Variants in RIOK3 observed in about 807,000 individuals in gnomAD.
The protein encoded by RIOK3 is serine/threonine-protein kinase RIO3.
Under a neutral mutation model 63.5 loss-of-function variants are expected in RIOK3, and 40 were observed. The observed-to-expected ratio is 0.63, with a 90% CI of 0.49 to 0.82. The LOEUF (loss-of-function observed/expected upper bound fraction) is 0.82. Among genes scored for constraint, RIOK3 ranks in the 40% least tolerant of loss-of-function variants. RIOK3 has a pLI of 0.00. For missense variants in RIOK3, 557 were observed against 637.0 expected, an observed-to-expected ratio of 0.87 and a Z score of 1.35; for synonymous variants, 193 against 205.0, an observed-to-expected ratio of 0.94 and a Z score of 0.50.
At chr18:23,476,809 G>C (rs752391934) in intron 9 of RIOK3, among the ~76,000 whole-genome samples, 197 bp from the exon 10 acceptor site, 1 of 152,182 alleles carries the variant, frequency 6.6e-6, no homozygotes, top group Non-Finnish European at 1.5e-5. Flanking sequence ...CTACTTGGGA[G>C]GCTGAGGCAG....
intron 1 of RIOK3, among the ~76,000 whole-genome samples, chr18:23,457,979 C>G (rs1003922722): frequency 2.0e-5 from 3 of 151,656 alleles, no homozygotes; most frequent in African/African-American, 7.3e-5. Context: ...ACTGCAACCT[C>G]CACCCCTGGG....
At chr18:23,469,617 A>G (rs1033145079) in intron 7 of RIOK3, among the ~76,000 whole-genome samples, 1 of 150,844 alleles carries the variant, frequency 6.6e-6, no homozygotes, top group African/African-American at 2.4e-5. Flanking sequence ...CCTCCCCGGT[A>G]GCGGGGATTA....
rs756485853 is a variant in RIOK3, at chr18:23,473,590, G to A, written c.977G>A (p.Arg326His). ...AAACTAAATCCACGTAAGATCATCC[G>A]CATGTGGGCAGAAAAAGAAATGCAC... ...FSKLNPRKII[R>H]MWAEKEMHNL... Residue 326 changes from arginine to histidine, a missense_variant, in exon 8 of 13, where the codon CGC becomes CAC. Coordinates refer to ENST00000339486, the MANE Select transcript of RIOK3 (RefSeq NM_003831.5). 89 of 1,613,204 alleles carry A rather than the reference G, an allele frequency of 5.5e-5. No homozygotes were observed. The highest frequency in any genetic ancestry group is 4.0e-4 in the East Asian group (18 of 44,814).
intron 1 of RIOK3, among the ~76,000 whole-genome samples, chr18:23,456,856 C>G (rs1423603121): frequency 6.6e-6 from 1 of 152,118 alleles, no homozygotes; most frequent in African/African-American, 2.4e-5. Flanking sequence ...ATCCTCACAG[C>G]TAAGTAGATT....
intron 8 of RIOK3, 136 bp from the exon 9 acceptor site, chr18:23,474,812 T>A (rs2057478416): frequency 4.7e-6 from 3 of 635,226 alleles, no homozygotes; most frequent in Non-Finnish European, 8.2e-6. Flanking sequence ...TGTGTTTTAC[T>A]GTCTTTGTAT....
chr18:23,473,483 G>A lies in RIOK3; in HGVS notation c.870G>A (p.Lys290=), dbSNP rs1186926522. ...SKVIPTECAI[K]VFKTTLNEFK... is the part of the protein sequence containing the mutation. The stretch of plus-strand genomic sequence containing the variant: ...TTATACCTACAGAATGTGCCATCAA[G>A]GTATTTAAAACAACCCTTAATGAAT... Residue 290 remains lysine (K), a synonymous_variant, in exon 8 of 13, where the codon AAG becomes AAA. Transcript: ENST00000339486. The A allele has an allele frequency of 6.2e-7, 1 of 1,612,268 alleles. No homozygotes were observed. The highest frequency in any genetic ancestry group is 1.3e-5 in the African/African-American group (1 of 74,830).
intron 1 of RIOK3, among the ~76,000 whole-genome samples, chr18:23,458,982 A>G (rs916635918): frequency 3.9e-5 from 6 of 152,188 alleles, no homozygotes; most frequent in Non-Finnish European, 1.5e-5. Flanking sequence ...TGTGAAGTGG[A>G]CCAGTTGAGC....
At position 23,455,424 on chromosome 18, in the gene RIOK3, G is replaced by A. The variant is rs1185386421; in HGVS notation, c.63+1922G>A. ...TTTTTTTTTTTTGAGACGGAGTCTCGCTTTGTTGCCCAGGCTGTAGTGCAG... is the reference window on the plus strand; with the variant it reads ...TTTTTTTTTTTTGAGACGGAGTCTCACTTTGTTGCCCAGGCTGTAGTGCAG... On this transcript the variant is annotated intron_variant, in intron 1 of 12. Transcript: ENST00000339486. Among the ~76,000 whole-genome samples, 3 of 139,746 alleles carry A rather than the reference G, an allele frequency of 2.1e-5. No homozygotes were observed. In the South Asian group the frequency reaches 6.7e-4, roughly 31 times the overall value. The allele number at this position is 139,746 out of a possible 152,430, so 91.7% of individuals were successfully genotyped here.
In RIOK3 at chr18:23,473,472, T is replaced by C. The variant is rs756080387; in HGVS notation, c.859T>C (p.Cys287Arg). 6.2e-7 allele frequency: 1 copy of C among 1,612,110 alleles called. No individual in the cohort carries two copies. Among genetic ancestry groups the C allele is most frequent in the Non-Finnish European group, 8.5e-7 (1 of 1,178,904 alleles). The part of the protein sequence containing the change: ...KEDSKVIPTE[C>R]AIKVFKTTLN... ...AGATAGTAAAGTTATACCTACAGAA[T>C]GTGCCATCAAGGTATTTAAAACAAC... Residue 287 changes from cysteine to arginine, a missense_variant, in exon 8 of 13, where the codon TGT becomes CGT. By Grantham distance (180) the Cys-to-Arg change is radical (BLOSUM62 -3). This residue lies in a region of RIOK3 where 309 missense variants were observed against 338.7 expected (regional missense o/e 0.91). Coordinates refer to ENST00000339486, the MANE Select transcript of RIOK3 (RefSeq NM_003831.5).
intron 9 of RIOK3, 93 bp from the exon 10 acceptor site, chr18:23,476,913 A>AAAAAAAT (rs2057494784): frequency 1.9e-6 from 2 of 1,075,014 alleles, no homozygotes; most frequent in South Asian, 2.8e-5. Flanking sequence ...CTCTGTCTCC[A>AAAAAAAT]AAAAAATAAA....
chr18:23,464,018 C>T lies in RIOK3; in HGVS notation c.231C>T (p.Asp77=). Reference sequence around the variant, plus strand: ...GAGAAAACATTGATACTTCCAGTGACCTTATGCTGGCTCAGATGCTACAGA... The same window carrying T: ...GAGAAAACATTGATACTTCCAGTGATCTTATGCTGGCTCAGATGCTACAGA... ...ITGENIDTSS[D]LMLAQMLQME... Residue 77 remains aspartate, a synonymous_variant, in exon 3 of 13, where the codon GAC becomes GAT. Transcript: ENST00000339486. The T allele has an allele frequency of 3.1e-6, 5 of 1,613,028 alleles. No homozygotes were observed. Among genetic ancestry groups the T allele is most frequent in the Non-Finnish European group, 4.2e-6 (5 of 1,179,332 alleles).
intron 1 of RIOK3, among the ~76,000 whole-genome samples, chr18:23,460,218 G>A (rs1322767755): frequency 6.6e-6 from 1 of 152,230 alleles, no homozygotes; most frequent in Non-Finnish European, 1.5e-5. Flanking sequence ...CTCCTGAGTA[G>A]CTGGGACTGC....
intron 1 of RIOK3, among the ~76,000 whole-genome samples, chr18:23,462,613 G>C (rs2057379433): frequency 6.6e-6 from 1 of 152,256 alleles, no homozygotes; most frequent in African/African-American, 2.4e-5. Context: ...TGGGAAATCA[G>C]ATTATAAGCA....
chr18:23,462,982 C>T lies in RIOK3; in HGVS notation c.82C>T (p.Gln28Ter). 6.3e-7 allele frequency: 1 copy of T among 1,583,060 alleles called. No individual in the cohort carries two copies. Among genetic ancestry groups the T allele is most frequent in the Non-Finnish European group, 8.6e-7 (1 of 1,164,960 alleles). ...TTCATAGTGTCCATGGGCTATTCCTCAAAATACAATATCTTGTTCTTTGGC... is the reference window on the plus strand; with the variant it reads ...TTCATAGTGTCCATGGGCTATTCCTTAAAATACAATATCTTGTTCTTTGGC... ...GPSKCPWAIP[Q>*]NTISCSLADV... The change falls in exon 2 of 13, where the codon CAA becomes TAA. Residue 28 changes from glutamine (Q) to a stop codon, truncating the protein, a stop_gained. Coordinates refer to ENST00000339486, the MANE Select transcript of RIOK3 (RefSeq NM_003831.5). LOFTEE classifies it high-confidence loss of function.
rs1298613484 is a variant in RIOK3 at position 23,482,270 on chromosome 18, G to A, written c.*991G>A. On this transcript the variant is annotated 3_prime_UTR_variant, in exon 13 of 13. Transcript: ENST00000339486. Reference sequence around the variant, plus strand: ...CAAACCTGTAATCCCAGCACTTTGGGAGACCAAGGCGGGTGGATCACTTGA... The same window carrying A: ...CAAACCTGTAATCCCAGCACTTTGGAAGACCAAGGCGGGTGGATCACTTGA... The A allele has an allele frequency of 1.3e-5, 2 of 152,126 alleles. No individual in the cohort carries two copies. Among genetic ancestry groups the A allele is most frequent in the Non-Finnish European group, 2.9e-5 (2 of 68,028 alleles). 9.4% of individuals were successfully genotyped at this position (152,126 alleles called of 1,614,324 possible). A position where few individuals can be genotyped will look rare whatever the true frequency, so the allele number is the denominator to read the frequency against.
In RIOK3 at chr18:23,481,453, AGAGAAT is replaced by A; in HGVS notation, c.*175_*180del. The A allele has an allele frequency of 2.0e-6, 1 of 501,818 alleles. No homozygotes were observed. The allele number at this position is 501,818 out of a possible 1,614,324, so 31.1% of individuals were successfully genotyped here. On this transcript the variant is annotated 3_prime_UTR_variant, in exon 13 of 13. Transcript: ENST00000339486. ...GTGTGGAATTTTTAGCTCAGCATTG[AGAGAAT>A]AAAATGTCACTACCTCTCATCTTAT...
At chr18:23,472,670 T>C (rs941241354) in intron 7 of RIOK3, among the ~76,000 whole-genome samples, 10 of 152,102 alleles carry the variant, frequency 6.6e-5, no homozygotes, top group Non-Finnish European at 1.3e-4. Flanking sequence ...CATTTGAGAG[T>C]GCCATACACA....
chr18:23,475,314 C>G (rs949396101), intron 9 of RIOK3, among the ~76,000 whole-genome samples: 1 of 151,308 alleles, frequency 6.6e-6, no homozygotes, highest in Non-Finnish European at 1.5e-5. Flanking sequence ...ACTAAAAATA[C>G]AAAAAAATTA....
chr18:23,474,513 G>A (rs969873524), intron 8 of RIOK3, among the ~76,000 whole-genome samples: 1 of 152,080 alleles, frequency 6.6e-6, no homozygotes, highest in African/African-American at 2.4e-5. Context: ...CCATAGTGGA[G>A]CTTGCCTGTC....
Sources: allele counts gnomAD v4.1 joint callset (sites outside exome capture counted in the v4.1 genomes callset), GRCh38; gene constraint gnomAD v4.1.1; regional missense constraint gnomAD v4.1.1; transcripts MANE v1.5; gene names NCBI Gene and HGNC (gene_info 2026-07-23, HGNC 2026-07-21).